ROBO2: variants seen among roughly 807,000 people sequenced by gnomAD.
ROBO2 encodes roundabout homolog 2.
Under a neutral mutation model 160.8 loss-of-function variants are expected in ROBO2, and 53 were observed. The ratio of observed to expected loss-of-function variants is 0.33; its 90% CI spans 0.26 to 0.41. The LOEUF (loss-of-function observed/expected upper bound fraction) is 0.41. Ranked by LOEUF, ROBO2 falls within the 10% of genes least tolerant of loss-of-function variation. ROBO2 has a pLI of 1.00. For missense variants in ROBO2, 1,577 were observed against 1,722.4 expected (o/e 0.92, Z 1.49); for synonymous variants, 664 against 611.7 (o/e 1.09, Z -1.26).
At chr3:76,534,421 A>G (rs1001986524) in intron 2 of ROBO2, among the ~76,000 whole-genome samples, 1 of 152,180 alleles carries the variant, frequency 6.6e-6, no homozygotes, top group African/African-American at 2.4e-5. Context: ...TTCCCATCAT[A>G]TGAATAGGAT....
intron 16 of ROBO2, among the ~76,000 whole-genome samples, chr3:77,583,206 A>G (rs1356747760): frequency 1.3e-5 from 2 of 150,952 alleles, no homozygotes; most frequent in Non-Finnish European, 2.9e-5. Flanking sequence ...CTCAGCTTCC[A>G]TGAGTGCTTC....
rs556461568 is a variant in ROBO2, at chr3:77,099,135, G to A, written c.388+795G>A. On this transcript the variant is annotated intron_variant, in intron 2 of 25. Coordinates refer to ENST00000461745, the Ensembl canonical transcript of ROBO2. The stretch of plus-strand genomic sequence containing the variant: ...CACATAGGCCGGAGTGCAATGGCGC[G>A]ATCTCTGCTCACTGCAACCTCTGCC... Among the ~76,000 whole-genome samples, 5 of 144,500 alleles carry A rather than the reference G, an allele frequency of 3.5e-5. No homozygotes were observed. In the South Asian group the frequency reaches 1.1e-3, roughly 33 times the overall value. 94.8% of individuals were successfully genotyped at this position (144,500 alleles called of 152,430 possible).
intron 2 of ROBO2, among the ~76,000 whole-genome samples, chr3:76,923,810 C>T (rs541075915): frequency 6.6e-4 from 100 of 152,356 alleles, no homozygotes; most frequent in African/African-American, 2.2e-3. Context: ...CCCTTTCTTT[C>T]TGTGCTTCTC....
At chr3:76,689,578 C>A (rs1383665511) in intron 2 of ROBO2, among the ~76,000 whole-genome samples, 1 of 152,070 alleles carries the variant, frequency 6.6e-6, no homozygotes, top group Non-Finnish European at 1.5e-5. Flanking sequence ...AACTTTTCCA[C>A]CTCTCCCATC....
chr3:77,186,422 C>T (rs536387641), intron 2 of ROBO2, among the ~76,000 whole-genome samples: 9 of 151,916 alleles, frequency 5.9e-5, no homozygotes, highest in African/African-American at 2.2e-4. Context: ...TGATGGTTTA[C>T]AGGATCAGCA....
At chr3:76,266,838 G>A (rs1205040619) in intron 2 of ROBO2, among the ~76,000 whole-genome samples, 1 of 152,050 alleles carries the variant, frequency 6.6e-6, no homozygotes, top group Admixed American at 6.6e-5. Flanking sequence ...TTACATTTCT[G>A]AGTATCTGTA....
At chr3:76,416,832 C>T (rs1256395278) in intron 2 of ROBO2, among the ~76,000 whole-genome samples, 2 of 152,136 alleles carry the variant, frequency 1.3e-5, no homozygotes, top group African/African-American at 4.8e-5. Flanking sequence ...GGAATCTCTT[C>T]TTCGTGATAA....
chr3:77,261,944 T>C (rs2058804144), intron 2 of ROBO2, among the ~76,000 whole-genome samples: 1 of 152,046 alleles, frequency 6.6e-6, no homozygotes, highest in African/African-American at 2.4e-5. Flanking sequence ...GATTTCATTC[T>C]TTGTGTGAAG....
intron 2 of ROBO2, among the ~76,000 whole-genome samples, chr3:76,106,978 A>T (rs765277705): frequency 6.6e-5 from 10 of 152,164 alleles, no homozygotes; most frequent in Non-Finnish European, 1.3e-4. Flanking sequence ...GTGTAGGTGT[A>T]GATATATCTC....
At chr3:77,106,199 A>G (rs964550944) in intron 2 of ROBO2, among the ~76,000 whole-genome samples, 1 of 151,896 alleles carries the variant, frequency 6.6e-6, no homozygotes, top group Non-Finnish European at 1.5e-5. Context: ...GGTGCCACCA[A>G]ACCTGGCTAA....
At chr3:76,241,099 T>G (rs1406971869) in intron 2 of ROBO2, among the ~76,000 whole-genome samples, 1 of 152,224 alleles carries the variant, frequency 6.6e-6, no homozygotes, top group Non-Finnish European at 1.5e-5. Context: ...CTCATTTACA[T>G]TTCATTAAAA....
At chr3:77,276,438 T>C (rs1041896656) in intron 2 of ROBO2, among the ~76,000 whole-genome samples, 37 of 152,192 alleles carry the variant, frequency 2.4e-4, no homozygotes, top group African/African-American at 8.7e-4. Context: ...CCTGAATCTA[T>C]TTTTGCCCCC....
intron 2 of ROBO2, among the ~76,000 whole-genome samples, chr3:76,599,699 T>A (rs1013614629): frequency 6.6e-6 from 1 of 152,180 alleles, no homozygotes; most frequent in Non-Finnish European, 1.5e-5. Context: ...CTTCACAACC[T>A]CTCCAGCACC....
chr3:77,087,230 G>A (rs1051847034), intron 1 of ROBO2, among the ~76,000 whole-genome samples: 9 of 152,098 alleles, frequency 5.9e-5, no homozygotes, highest in African/African-American at 1.9e-4. Context: ...TTAAATAAAT[G>A]TCAATGGTTT....
At chr3:77,026,506 T>C (rs4558796) in intron 2 of ROBO2, among the ~76,000 whole-genome samples, 42,908 of 152,130 alleles carry the variant, frequency 0.28, 8,255 homozygotes, top group African/African-American at 0.55. Flanking sequence ...TTTCTTATCA[T>C]GGCTTTCAAA....
At chr3:76,313,667 A>G (rs552058874) in intron 2 of ROBO2, among the ~76,000 whole-genome samples, 3 of 152,302 alleles carry the variant, frequency 2.0e-5, no homozygotes, top group African/African-American at 7.2e-5. Context: ...CGTACAAAAC[A>G]ATCTTTAAAA....
At chr3:76,739,399 A>G (rs1035947370) in intron 2 of ROBO2, among the ~76,000 whole-genome samples, 2 of 148,258 alleles carry the variant, frequency 1.3e-5, no homozygotes, top group African/African-American at 5.0e-5. Flanking sequence ...CAAACACTGC[A>G]TGTTCTCACT....
intron 1 of ROBO2, among the ~76,000 whole-genome samples, chr3:77,070,243 A>T (rs2067265997): frequency 6.6e-6 from 1 of 152,070 alleles, no homozygotes; most frequent in African/African-American, 2.4e-5. Context: ...GAAACAATAA[A>T]TTTTTGTTGT....
intron 2 of ROBO2, among the ~76,000 whole-genome samples, chr3:76,316,919 T>C (rs2072081287): frequency 1.3e-5 from 2 of 152,206 alleles, no homozygotes; most frequent in South Asian, 4.1e-4. Flanking sequence ...AGGAAACAAA[T>C]GTAGATCACT....
Sources: gnomAD v4.1 joint callset for allele counts (sites outside exome capture counted in the v4.1 genomes callset) on GRCh38, gnomAD v4.1.1 for gene constraint, MANE v1.5 for transcripts, NCBI Gene and HGNC (gene_info 2026-07-23, HGNC 2026-07-21) for gene names.